Variants in XKR4 observed in about 807,000 individuals in gnomAD.
The protein encoded by XKR4 is XK-related protein 4.
In XKR4, 12 loss-of-function variants were observed where a neutral mutation model predicts 53.9. The observed-to-expected ratio is 0.22, with a 90% CI of 0.14 to 0.36. XKR4 has a LOEUF of 0.36. Among genes scored for constraint, XKR4 ranks in the 10% least tolerant of loss-of-function variants. The pLI, the probability that XKR4 is intolerant of heterozygous loss-of-function variation, is 1.00. For missense variants in XKR4, 799 were observed against 859.5 expected (o/e 0.93, Z 0.88); for synonymous variants, 354 against 362.4 (o/e 0.98, Z 0.26).
intron 1 of XKR4, among the ~76,000 whole-genome samples, chr8:55,165,546 T>C (rs938536109): frequency 6.6e-5 from 10 of 152,178 alleles, no homozygotes; most frequent in Admixed American, 6.5e-4. Flanking sequence ...ATTCTAATCA[T>C]TGACAATTTG....
At chr8:55,184,132 T>A (rs577400136) in intron 1 of XKR4, among the ~76,000 whole-genome samples, 82 of 152,188 alleles carry the variant, frequency 5.4e-4, no homozygotes, top group Non-Finnish European at 1.1e-3. Context: ...TAAAAAAAAA[T>A]TTAGCTGAAT....
chr8:55,325,490 G>C (rs1035380293), intron 1 of XKR4, among the ~76,000 whole-genome samples: 2 of 152,114 alleles, frequency 1.3e-5, no homozygotes, highest in Admixed American at 1.3e-4. Flanking sequence ...AATTTACCCT[G>C]CGGGGTCTTC....
rs1806874565 is a variant in XKR4 at position 55,525,717 on chromosome 8, T to C, written c.*1490T>C. 6.6e-6 allele frequency: 1 copy of C among 152,614 alleles called. No homozygotes were observed. 9.5% of individuals were successfully genotyped at this position (152,614 alleles called of 1,614,324 possible). On this transcript the variant is annotated 3_prime_UTR_variant, in exon 3 of 3. Coordinates refer to ENST00000327381, the MANE Select transcript of XKR4 (RefSeq NM_052898.2). ...GGTGCAGAGTGGAATAACTCATGGATTATTTCAATATTTTTGTAATAAAAA... is the reference window on the plus strand; with the variant it reads ...GGTGCAGAGTGGAATAACTCATGGACTATTTCAATATTTTTGTAATAAAAA...
intron 2 of XKR4, chr8:55,451,297 C>G: frequency 1.7e-6 from 1 of 595,678 alleles, no homozygotes; most frequent in East Asian, 2.8e-5. Flanking sequence ...TGCAGTCAGT[C>G]TGGATGCCGC....
At chr8:55,432,277 T>G (rs1243518734) in intron 2 of XKR4, among the ~76,000 whole-genome samples, 1 of 152,258 alleles carries the variant, frequency 6.6e-6, no homozygotes, top group African/African-American at 2.4e-5. Flanking sequence ...TTTGGGCAAC[T>G]ATTTTAACCT....
chr8:55,432,486 G>A (rs1387231072), intron 2 of XKR4, among the ~76,000 whole-genome samples: 3 of 152,280 alleles, frequency 2.0e-5, no homozygotes, highest in East Asian at 3.9e-4. Context: ...TCGCCAGTTT[G>A]CCTTTGTCTT....
At chr8:55,478,199 C>T (rs567436828) in intron 2 of XKR4, among the ~76,000 whole-genome samples, 4 of 152,150 alleles carry the variant, frequency 2.6e-5, no homozygotes, top group African/African-American at 7.3e-5. Flanking sequence ...AACAGCGGAT[C>T]TCTTGGCAGA....
At chr8:55,462,382 T>C (rs536796954) in intron 2 of XKR4, among the ~76,000 whole-genome samples, 3 of 152,060 alleles carry the variant, frequency 2.0e-5, no homozygotes, top group East Asian at 1.9e-4. Context: ...CTAAGCTTCA[T>C]AAGTGAAGGA....
chr8:55,539,191 G>C lies in XKR4; in HGVS notation c.*14964G>C, dbSNP rs1171113644. ...TATTTGTAATTTTTGAGACATAGAG[G>C]CAATATCATGATATAGGAATACATT... is the stretch of plus-strand genomic sequence containing the variant. On this transcript the variant is annotated 3_prime_UTR_variant, in exon 3 of 3. Coordinates refer to ENST00000327381, the MANE Select transcript of XKR4 (RefSeq NM_052898.2). The C allele has an allele frequency of 6.6e-6, 1 of 152,110 alleles. No individual in the cohort carries two copies. Among genetic ancestry groups the C allele is most frequent in the African/African-American group, 2.4e-5 (1 of 41,424 alleles). The allele number at this position is 152,110 out of a possible 1,614,324, so 9.4% of individuals were successfully genotyped here.
At chr8:55,216,646 G>C (rs555655995) in intron 1 of XKR4, among the ~76,000 whole-genome samples, 171 of 151,142 alleles carry the variant, frequency 1.1e-3, no homozygotes, top group African/African-American at 3.8e-3. Context: ...AGAATAGCTT[G>C]AACCTGGGAG....
intron 1 of XKR4, among the ~76,000 whole-genome samples, chr8:55,281,065 A>G (rs1446480668): frequency 6.6e-6 from 1 of 152,216 alleles, no homozygotes; most frequent in East Asian, 1.9e-4. Context: ...ACAGTGGTTC[A>G]GGTTTCAAAT....
At chr8:55,328,321 A>G (rs1466645631) in intron 1 of XKR4, among the ~76,000 whole-genome samples, 1 of 152,222 alleles carries the variant, frequency 6.6e-6, no homozygotes, top group Non-Finnish European at 1.5e-5. Flanking sequence ...GTGAATAAGG[A>G]AGAGGCAGCC....
At chr8:55,231,491 A>G (rs780812943) in intron 1 of XKR4, among the ~76,000 whole-genome samples, 4 of 152,098 alleles carry the variant, frequency 2.6e-5, no homozygotes, top group Admixed American at 1.3e-4. Flanking sequence ...GTCTCACTCA[A>G]TTGCCCAGGC....
intron 1 of XKR4, among the ~76,000 whole-genome samples, chr8:55,155,899 A>G (rs1816900775): frequency 6.6e-6 from 1 of 152,226 alleles, no homozygotes; most frequent in Admixed American, 6.5e-5. Context: ...ATGAAATTCT[A>G]TATTTAGCCA....
intron 1 of XKR4, among the ~76,000 whole-genome samples, chr8:55,277,652 C>G (rs1818782648): frequency 6.6e-6 from 1 of 152,120 alleles, no homozygotes; most frequent in African/African-American, 2.4e-5. Context: ...TGTGTCGATG[C>G]TCAAAAACTC....
At chr8:55,195,252 A>T (rs1286076431) in intron 1 of XKR4, among the ~76,000 whole-genome samples, 1 of 122,756 alleles carries the variant, frequency 8.1e-6, no homozygotes, top group African/African-American at 2.9e-5. Context: ...ATCTATCAAA[A>T]ATATAACGTT....
At chr8:55,430,424 A>T (rs76828946) in intron 2 of XKR4, among the ~76,000 whole-genome samples, 2,399 of 152,322 alleles carry the variant, frequency 0.016, 70 homozygotes, top group African/African-American at 0.055. Flanking sequence ...GTGCATTAAT[A>T]AACAAACTGA....
chr8:55,473,358 A>C (rs1214654388), intron 2 of XKR4, among the ~76,000 whole-genome samples: 3 of 152,096 alleles, frequency 2.0e-5, no homozygotes, highest in African/African-American at 7.3e-5. Flanking sequence ...TCACAAAGCA[A>C]CAACCCTATC....
chr8:55,141,396 C>G (rs113604909), intron 1 of XKR4, among the ~76,000 whole-genome samples: 54 of 152,122 alleles, frequency 3.5e-4, no homozygotes, highest in African/African-American at 1.3e-3. Context: ...GTGGGGAGGT[C>G]GGATTTCTCC....
Sources: gnomAD v4.1 joint callset for allele counts (sites outside exome capture counted in the v4.1 genomes callset) on GRCh38, gnomAD v4.1.1 for gene constraint, MANE v1.5 for transcripts, NCBI Gene and HGNC (gene_info 2026-07-23, HGNC 2026-07-21) for gene names.